Variants in BLTP1 observed in about 807,000 individuals in gnomAD.
BLTP1 encodes the protein fragile site-associated protein.
the BLTP1 span, chr4:122,352,939 G>A: frequency 3.1e-6 from 5 of 1,613,822 alleles, no homozygotes; most frequent in African/African-American, 5.3e-5. Context: ...CTGGCCTGGA[G>A]TATTGAAGGT....
the BLTP1 span, chr4:122,336,404 T>A: frequency 7.9e-7 from 1 of 1,263,726 alleles, no homozygotes; most frequent in Non-Finnish European, 1.1e-6. Flanking sequence ...TGGGATCTTA[T>A]TATATAGAAG....
At chr4:122,210,716 A>T in the BLTP1 span, 1 of 334,102 alleles carries the variant, frequency 3.0e-6, no homozygotes, top group Non-Finnish European at 4.3e-6. Flanking sequence ...TTGCTTTCTT[A>T]ATTATTGGTC....
the BLTP1 span, chr4:122,202,450 C>G: frequency 4.8e-6 from 1 of 206,452 alleles, no homozygotes; most frequent in Non-Finnish European, 8.5e-6. Context: ...AGATGAGTTA[C>G]AGAGAGGTAA....
the BLTP1 span, chr4:122,207,536 T>C: frequency 3.2e-6 from 5 of 1,579,178 alleles, no homozygotes; most frequent in South Asian, 2.4e-5. Context: ...TTTTTTCTTT[T>C]GTAGTGTATC....
chr4:122,247,821 G>T, the BLTP1 span: 1 of 988,534 alleles, frequency 1.0e-6, no homozygotes, highest in Non-Finnish European at 1.2e-6. Flanking sequence ...TCCCTAGTTA[G>T]GTAAAAGGAA....
At chr4:122,234,264 G>T in the BLTP1 span, 1 of 419,852 alleles carries the variant, frequency 2.4e-6, no homozygotes, top group African/African-American at 2.2e-5. Flanking sequence ...ATATGGAGTG[G>T]TTCATTATTT....
the BLTP1 span, chr4:122,197,485 T>C: frequency 3.9e-5 from 33 of 836,026 alleles, no homozygotes; most frequent in African/African-American, 5.5e-5. Flanking sequence ...TTCAGTCTTA[T>C]ATGCTTTTAT....
the BLTP1 span, chr4:122,308,215 C>G: frequency 3.2e-6 from 5 of 1,569,936 alleles, no homozygotes; most frequent in South Asian, 4.5e-5. Flanking sequence ...TCTACATAAC[C>G]ATTTCTAAGT....
the BLTP1 span, chr4:122,281,429 A>C: frequency 7.1e-7 from 1 of 1,400,706 alleles, no homozygotes; most frequent in East Asian, 2.6e-5. Flanking sequence ...GAAAACATCT[A>C]TTCACAGTAT....
the BLTP1 span, among the ~76,000 whole-genome samples, chr4:122,216,484 G>A: frequency 6.6e-6 from 1 of 152,048 alleles, no homozygotes; most frequent in Non-Finnish European, 1.5e-5. Context: ...GTATCATGTT[G>A]CGGTTTTGAT....
the BLTP1 span, among the ~76,000 whole-genome samples, chr4:122,238,562 A>G: frequency 6.6e-6 from 1 of 152,220 alleles, no homozygotes; most frequent in Non-Finnish European, 1.5e-5. Flanking sequence ...AAAGTACAGG[A>G]AAGTGTAATG....
At chr4:122,345,371 G>A in the BLTP1 span, among the ~76,000 whole-genome samples, 2 of 151,888 alleles carry the variant, frequency 1.3e-5, no homozygotes, top group Non-Finnish European at 2.9e-5. Flanking sequence ...TTTGAAAAAT[G>A]AGTAGGAATA....
the BLTP1 span, chr4:122,359,520 C>A: frequency 6.3e-7 from 1 of 1,587,776 alleles, no homozygotes; most frequent in African/African-American, 1.4e-5. Context: ...GGTGATTTAA[C>A]ATAAATGTAT....
At chr4:122,235,289 T>C in the BLTP1 span, 1 of 935,146 alleles carries the variant, frequency 1.1e-6, no homozygotes, top group Non-Finnish European at 1.3e-6. Context: ...TTCTAAATAT[T>C]TCCTTACATA....
chr4:122,351,196 G>A, the BLTP1 span: 13 of 720,844 alleles, frequency 1.8e-5, no homozygotes, highest in African/African-American at 1.9e-5. Context: ...GTCAGAATGA[G>A]GATAGCTTTT....
At chr4:122,231,535 TAC>T in the BLTP1 span, 2 of 507,096 alleles carry the variant, frequency 3.9e-6, no homozygotes, top group Non-Finnish European at 5.1e-6. Flanking sequence ...GCTAGTATTT[TAC>T]AGTTTGTTTT....
the BLTP1 span, among the ~76,000 whole-genome samples, chr4:122,361,005 G>T: frequency 1.3e-5 from 2 of 152,130 alleles, no homozygotes; most frequent in African/African-American, 4.8e-5. Flanking sequence ...ACTGAGCTAG[G>T]CCAAAACACC....
At chr4:122,293,566 C>T in the BLTP1 span, among the ~76,000 whole-genome samples, 7 of 151,508 alleles carry the variant, frequency 4.6e-5, no homozygotes, top group African/African-American at 1.5e-4. Flanking sequence ...GCCTTGGGTC[C>T]GAAGCACAGA....
chr4:122,173,311 G>A, the BLTP1 span: 8 of 288,626 alleles, frequency 2.8e-5, no homozygotes, highest in Non-Finnish European at 4.1e-5. Context: ...CCCAAGTTGA[G>A]GGGGTGCATC....
Sources: allele counts gnomAD v4.1 joint callset (sites outside exome capture counted in the v4.1 genomes callset), GRCh38; gene constraint gnomAD v4.1.1; transcripts MANE v1.5; gene names NCBI Gene and HGNC (gene_info 2026-07-23, HGNC 2026-07-21).